The following USP32 variants were observed in gnomAD, a reference collection of about 807,000 sequenced individuals.
USP32 encodes the protein ubiquitin specific peptidase 32.
A neutral mutation model predicts 204.8 loss-of-function variants in USP32; 59 were observed. The ratio of observed to expected loss-of-function variants is 0.29; its 90% CI spans 0.23 to 0.36. The LOEUF (loss-of-function observed/expected upper bound fraction) is 0.36. USP32 is among the 10% of genes least tolerant of loss of function. The probability of loss-of-function intolerance (pLI) is 1.00; values close to 1 mark genes in which losing one functional copy is unlikely to be tolerated. For missense variants in USP32, 1,160 were observed against 1,946.4 expected, an observed-to-expected ratio of 0.60 and a Z score of 7.60; for synonymous variants, 517 against 678.4, an observed-to-expected ratio of 0.76 and a Z score of 3.70.
At chr17:60,216,728 T>C (rs2085113667) in intron 16 of USP32, among the ~76,000 whole-genome samples, 2 of 152,228 alleles carry the variant, frequency 1.3e-5, no homozygotes, top group Admixed American at 6.5e-5. Flanking sequence ...AGTAAACAGC[T>C]GTAATAAATT....
At chr17:60,238,185 T>C (rs1598119321) in intron 11 of USP32, among the ~76,000 whole-genome samples, 2 of 152,242 alleles carry the variant, frequency 1.3e-5, no homozygotes, top group South Asian at 4.1e-4. Context: ...TGATGATCAC[T>C]GAACATCTGG....
intron 2 of USP32, among the ~76,000 whole-genome samples, chr17:60,335,628 G>C (rs2088498445): frequency 7.0e-6 from 1 of 143,476 alleles, no homozygotes; most frequent in East Asian, 1.9e-4. Flanking sequence ...ACATACGGTA[G>C]TCATGAAGGT....
At chr17:60,309,997 T>C (rs982588268) in intron 2 of USP32, among the ~76,000 whole-genome samples, 8 of 151,804 alleles carry the variant, frequency 5.3e-5, no homozygotes, top group Admixed American at 4.6e-4. Flanking sequence ...TGAGCCGAGA[T>C]TGTGCCACTG....
intron 1 of USP32, among the ~76,000 whole-genome samples, chr17:60,346,361 G>A (rs1410204220): frequency 1.3e-5 from 2 of 152,098 alleles, no homozygotes; most frequent in South Asian, 2.1e-4. Context: ...AATGCCACTG[G>A]ATTCTGGCAT....
intron 11 of USP32, among the ~76,000 whole-genome samples, chr17:60,247,696 G>GC (rs1567800644): frequency 6.6e-6 from 1 of 150,404 alleles, no homozygotes; most frequent in African/African-American, 2.4e-5. Flanking sequence ...TTGTTTGTTT[G>GC]TTTTTGAGAC....
chr17:60,279,310 C>T (rs2086909838), intron 5 of USP32, among the ~76,000 whole-genome samples: 1 of 151,518 alleles, frequency 6.6e-6, no homozygotes, highest in South Asian at 2.1e-4. Flanking sequence ...ATGATGAGAT[C>T]CCATCTCTAC....
At chr17:60,255,291 T>TTTTTTTA in intron 9 of USP32, 33 bp from the exon 10 acceptor site, 1 of 1,510,126 alleles carries the variant, frequency 6.6e-7, no homozygotes, top group Non-Finnish European at 9.0e-7. Context: ...AGGAACATCT[T>TTTTTTTA]TTTTTTCTTT....
intron 5 of USP32, among the ~76,000 whole-genome samples, chr17:60,273,157 G>A (rs1382320105): frequency 6.6e-6 from 1 of 152,124 alleles, no homozygotes; most frequent in Non-Finnish European, 1.5e-5. Context: ...ATTTTTAGTA[G>A]AGATGGAGTT....
intron 1 of USP32, among the ~76,000 whole-genome samples, chr17:60,413,362 A>G (rs1410284458): frequency 1.3e-5 from 2 of 152,204 alleles, no homozygotes; most frequent in South Asian, 2.1e-4. Context: ...CTGGCAGCTC[A>G]TACTTAAGAC....
chr17:60,264,839 G>A (rs2086546353), intron 9 of USP32, among the ~76,000 whole-genome samples: 1 of 116,646 alleles, frequency 8.6e-6, no homozygotes, highest in South Asian at 2.6e-4. Flanking sequence ...CAGGCTGGGT[G>A]ACAGAGCAAG....
intron 3 of USP32, among the ~76,000 whole-genome samples, chr17:60,299,639 G>A (rs1181217139): frequency 6.6e-6 from 1 of 152,120 alleles, no homozygotes; most frequent in African/African-American, 2.4e-5. Context: ...TTTGGGTAAC[G>A]TGTTCAAACC....
At chr17:60,189,752 T>C (rs2084332683) in intron 29 of USP32, among the ~76,000 whole-genome samples, 1 of 152,216 alleles carries the variant, frequency 6.6e-6, no homozygotes, top group South Asian at 2.1e-4. Context: ...TCTGTAACTT[T>C]TCTGATCACT....
chr17:60,347,164 G>A (rs2088805999), intron 1 of USP32, among the ~76,000 whole-genome samples: 1 of 152,012 alleles, frequency 6.6e-6, no homozygotes, highest in African/African-American at 2.4e-5. Flanking sequence ...TAGACTGAGA[G>A]TAGAAGCAGT....
chr17:60,181,542 C>G lies in USP32; in HGVS notation c.4330G>C (p.Ala1444Pro). ...GAGQICELAD[A>P]LSRGHVLGGS... ...CCCAGCACATGCCCTCGACTCAAGGCGTCAGCCAGCTCACATATCTGCCCA... is the reference window on the plus strand; with the variant it reads ...CCCAGCACATGCCCTCGACTCAAGGGGTCAGCCAGCTCACATATCTGCCCA... The change falls in exon 32 of 34, where the codon GCC becomes CCC. Residue 1444 changes from alanine to proline, a missense_variant. Transcript: ENST00000300896. 6.2e-6 allele frequency: 10 copies of G among 1,614,004 alleles called. No homozygotes were observed. The highest frequency in any genetic ancestry group is 5.9e-6 in the Non-Finnish European group (7 of 1,179,874).
rs144122809 is a variant in USP32 at position 60,391,649 on chromosome 17, C to T, written c.58+233G>A. ...ACCAGCGAGCACGGGCACTGCCCTG[C>T]CAGCGCCGATCCCCCTCTCTCAGGA... On this transcript the variant is annotated intron_variant, in intron 1 of 33. Coordinates refer to ENST00000300896, the MANE Select transcript of USP32 (RefSeq NM_032582.4). 7.3e-3 allele frequency among the ~76,000 whole-genome samples: 1,112 copies of T among 152,286 alleles called. 16 individuals carry two copies. Among genetic ancestry groups the T allele is most frequent in the African/African-American group, 0.026 (1,067 of 41,548 alleles).
At chr17:60,223,135 G>A (rs558331410) in intron 14 of USP32, among the ~76,000 whole-genome samples, 60 of 151,230 alleles carry the variant, frequency 4.0e-4, no homozygotes, top group African/African-American at 1.4e-3. Flanking sequence ...TACTAGTTTG[G>A]AAAAAAAAAT....
At chr17:60,366,473 T>C (rs1304342459) in intron 1 of USP32, among the ~76,000 whole-genome samples, 1 of 151,866 alleles carries the variant, frequency 6.6e-6, no homozygotes, top group Non-Finnish European at 1.5e-5. Context: ...TCCATGTTGG[T>C]CAGGCTGGTC....
intron 2 of USP32, among the ~76,000 whole-genome samples, chr17:60,320,027 G>A (rs2088076818): frequency 6.6e-6 from 1 of 152,070 alleles, no homozygotes; most frequent in Admixed American, 6.6e-5. Context: ...TTCAATATCA[G>A]CATTGGAACT....
chr17:60,261,413 A>G (rs1035844935), intron 9 of USP32, among the ~76,000 whole-genome samples: 1 of 152,158 alleles, frequency 6.6e-6, no homozygotes, highest in African/African-American at 2.4e-5. Flanking sequence ...TTGGGAGGCC[A>G]AGGCGGGTGG....
Sources: gnomAD v4.1 joint callset for allele counts (sites outside exome capture counted in the v4.1 genomes callset) on GRCh38, gnomAD v4.1.1 for gene constraint, MANE v1.5 for transcripts, NCBI Gene and HGNC (gene_info 2026-07-23, HGNC 2026-07-21) for gene names.